Variants in INPP4B observed in about 807,000 individuals in gnomAD.
The protein encoded by INPP4B is inositol polyphosphate-4-phosphatase type II B.
A neutral mutation model predicts 122.5 loss-of-function variants in INPP4B; 55 were observed. The observed-to-expected ratio is 0.45, with a 90% CI of 0.36 to 0.56. INPP4B has a LOEUF of 0.56. Ranked by LOEUF, INPP4B falls within the 20% of genes least tolerant of loss-of-function variation. INPP4B has a pLI of 0.00. For missense variants in INPP4B, 1,000 were observed against 1,097.7 expected (o/e 0.91, Z 1.26); for synonymous variants, 403 against 388.7 (o/e 1.04, Z -0.43).
chr4:142,282,103 A>G (rs533845758), intron 9 of INPP4B, among the ~76,000 whole-genome samples: 2 of 152,128 alleles, frequency 1.3e-5, no homozygotes, highest in Non-Finnish European at 2.9e-5. Context: ...AAAATTAAGC[A>G]GGGTAAAAGG....
chr4:142,240,999 T>TA (rs953556070), intron 11 of INPP4B, among the ~76,000 whole-genome samples: 41 of 151,458 alleles, frequency 2.7e-4, no homozygotes, highest in South Asian at 6.3e-4. Flanking sequence ...TTGTCAACTT[T>TA]AAAAAAAAAG....
intron 7 of INPP4B, among the ~76,000 whole-genome samples, chr4:142,359,377 CA>C (rs1784675457): frequency 1.3e-5 from 2 of 151,916 alleles, no homozygotes; most frequent in African/African-American, 4.8e-5. Flanking sequence ...TACCTACCCT[CA>C]TGTTGTTGTC....
chr4:142,086,519 A>G (rs1776863877), intron 23 of INPP4B, among the ~76,000 whole-genome samples: 1 of 152,030 alleles, frequency 6.6e-6, no homozygotes, highest in Non-Finnish European at 1.5e-5. Flanking sequence ...ATGCCCAGCT[A>G]CTTTTTGTAT....
chr4:142,089,768 A>G (rs28413617), intron 23 of INPP4B, among the ~76,000 whole-genome samples: 39,167 of 152,048 alleles, frequency 0.26, 5,126 homozygotes, highest in East Asian at 0.3. Context: ...GTATTTCATA[A>G]TTTTTCAAAA....
chr4:142,804,051 T>G (rs2151097970), intron 1 of INPP4B, among the ~76,000 whole-genome samples: 1 of 144,814 alleles, frequency 6.9e-6, no homozygotes, highest in East Asian at 2.0e-4. Context: ...AGAGTGAGAC[T>G]CCATCATAAA....
intron 2 of INPP4B, among the ~76,000 whole-genome samples, chr4:142,534,535 G>A (rs1016544368): frequency 2.6e-5 from 4 of 152,136 alleles, no homozygotes; most frequent in African/African-American, 9.6e-5. Flanking sequence ...CCAGAACTGT[G>A]AGAAATAAAT....
chr4:142,503,413 A>G (rs1260432238), intron 2 of INPP4B, among the ~76,000 whole-genome samples: 1 of 152,208 alleles, frequency 6.6e-6, no homozygotes, highest in Non-Finnish European at 1.5e-5. Flanking sequence ...TATAATAATT[A>G]CAGCACTTAT....
intron 14 of INPP4B, among the ~76,000 whole-genome samples, chr4:142,200,287 A>G (rs1840097843): frequency 6.6e-6 from 1 of 151,874 alleles, no homozygotes. Context: ...TTTTTTTAGC[A>G]TGTCATTACT....
chr4:142,460,573 T>C (rs1244593570), intron 3 of INPP4B, among the ~76,000 whole-genome samples: 4 of 152,154 alleles, frequency 2.6e-5, no homozygotes, highest in Non-Finnish European at 1.5e-5. Context: ...CTAATTAGAT[T>C]CCACGTTTGA....
At position 142,762,410 on chromosome 4, in the gene INPP4B, A is replaced by G. The variant is rs141925931; in HGVS notation, c.-253-36509T>C. Among the ~76,000 whole-genome samples the G allele has an allele frequency of 2.6e-5, 4 of 152,294 alleles. No homozygotes were observed. In the South Asian group the frequency reaches 8.3e-4, roughly 32 times the overall value. ...GATCATCTTAGGGATAAAAATTTTC[A>G]GTATAATTATGGGAGCCACCATAAT... On this transcript the variant is annotated intron_variant, in intron 1 of 25. Coordinates refer to ENST00000262992, the MANE Select transcript of INPP4B (RefSeq NM_001101669.3).
At chr4:142,606,219 AG>A (rs1292814035) in intron 2 of INPP4B, among the ~76,000 whole-genome samples, 3 of 151,920 alleles carry the variant, frequency 2.0e-5, no homozygotes, top group African/African-American at 7.2e-5. Flanking sequence ...CATGGAGAAT[AG>A]AACTAGAATG....
At chr4:142,221,753 A>G (rs1184722203) in intron 12 of INPP4B, among the ~76,000 whole-genome samples, 1 of 152,206 alleles carries the variant, frequency 6.6e-6, no homozygotes, top group African/African-American at 2.4e-5. Context: ...TACTAGCCAC[A>G]TGTAGCTGTT....
intron 7 of INPP4B, chr4:142,317,370 G>A (rs934778229): frequency 3.1e-6 from 1 of 326,872 alleles, no homozygotes; most frequent in Non-Finnish European, 6.2e-6. Context: ...CAGATTACAT[G>A]CTTATGATCA....
intron 25 of INPP4B, among the ~76,000 whole-genome samples, chr4:142,041,530 A>G: frequency 6.6e-6 from 1 of 152,084 alleles, no homozygotes; most frequent in East Asian, 1.9e-4. Context: ...AGGCAAGAGA[A>G]TCACTTGAAC....
Position 142,579,879 on chromosome 4 carries a change from G to GTAGATAGATAGA in INPP4B, c.-190-117165_-190-117154dup, listed in dbSNP as rs34007661. On this transcript the variant is annotated intron_variant, in intron 2 of 25. Transcript: ENST00000262992. ...AATGGATAGATAGATAGATAGGTAG[G>GTAGATAGATAGA]TAGATAGATAGATAGATAGATAGAT... is the stretch of plus-strand genomic sequence containing the variant. Among the ~76,000 whole-genome samples the GTAGATAGATAGA allele has an allele frequency of 8.0e-4, 114 of 142,592 alleles. 1 individual carries two copies. The highest frequency in any genetic ancestry group is 2.6e-3 in the East Asian group (12 of 4,660). The allele number at this position is 142,592 out of a possible 152,430, so 93.5% of individuals were successfully genotyped here.
At chr4:142,817,841 G>T (rs1327345634) in intron 1 of INPP4B, among the ~76,000 whole-genome samples, 1 of 152,064 alleles carries the variant, frequency 6.6e-6, no homozygotes, top group Non-Finnish European at 1.5e-5. Context: ...CTTTATAACT[G>T]CTATATATTG....
chr4:142,657,854 G>A (rs191417591), intron 2 of INPP4B, among the ~76,000 whole-genome samples: 211 of 152,174 alleles, frequency 1.4e-3, no homozygotes, highest in African/African-American at 4.6e-3. Context: ...GATATTTAAC[G>A]GATTCTGAAA....
intron 1 of INPP4B, among the ~76,000 whole-genome samples, chr4:142,751,782 C>T (rs530312828): frequency 1.3e-5 from 2 of 152,186 alleles, no homozygotes; most frequent in East Asian, 3.9e-4. Flanking sequence ...ATCACTTATT[C>T]CACATTTGAC....
chr4:142,303,407 A>G (rs1005920153), intron 9 of INPP4B, among the ~76,000 whole-genome samples: 2 of 152,166 alleles, frequency 1.3e-5, no homozygotes, highest in Non-Finnish European at 2.9e-5. Context: ...TTTAAAATTA[A>G]TGACTATAAA....
Sources: allele counts gnomAD v4.1 joint callset (sites outside exome capture counted in the v4.1 genomes callset), GRCh38; gene constraint gnomAD v4.1.1; transcripts MANE v1.5; gene names NCBI Gene and HGNC (gene_info 2026-07-23, HGNC 2026-07-21).